The following EIF4G3 variants were observed in gnomAD, a reference collection of about 807,000 sequenced individuals.
EIF4G3 encodes the protein eIF-4-gamma 3.
EIF4G3 carries 34 observed loss-of-function variants against 186.4 expected under a neutral mutation model. That is an observed-to-expected ratio of 0.18 (90% CI 0.14 to 0.24). The LOEUF is 0.24. Among genes scored for constraint, EIF4G3 ranks in the 10% least tolerant of loss-of-function variants. The pLI is 1.00. For missense variants in EIF4G3, 1,536 were observed against 1,948.5 expected, an observed-to-expected ratio of 0.79 and a Z score of 3.99; for synonymous variants, 673 against 679.5, an observed-to-expected ratio of 0.99 and a Z score of 0.15.
intron 2 of EIF4G3, among the ~76,000 whole-genome samples, chr1:21,096,056 T>C (rs892597958): frequency 2.4e-4 from 36 of 152,204 alleles, no homozygotes; most frequent in African/African-American, 8.4e-4. Context: ...TCAATCCATA[T>C]GGCAAAGCAA....
intron 7 of EIF4G3, among the ~76,000 whole-genome samples, chr1:20,986,531 A>G (rs755524685): frequency 2.0e-5 from 3 of 152,026 alleles, no homozygotes; most frequent in African/African-American, 4.8e-5. Flanking sequence ...CTACAGGATC[A>G]TTAGAAAACC....
chr1:20,999,322 GT>G, intron 6 of EIF4G3: 1 of 363,728 alleles, frequency 2.7e-6, no homozygotes. Context: ...TGTATTTTCA[GT>G]TTTCCAATTA....
chr1:20,985,527 A>ATATAT (rs199570165), intron 7 of EIF4G3, among the ~76,000 whole-genome samples: 1 of 140,900 alleles, frequency 7.1e-6, no homozygotes, highest in Non-Finnish European at 1.6e-5. Context: ...AAAAAAAAAA[A>ATATAT]AAATATATAT....
intron 4 of EIF4G3, among the ~76,000 whole-genome samples, chr1:21,049,273 G>C (rs2094076799): frequency 6.6e-6 from 1 of 152,170 alleles, no homozygotes; most frequent in African/African-American, 2.4e-5. Flanking sequence ...CACAGCCTTT[G>C]GCTCAACCCT....
At chr1:21,133,416 A>T (rs1160498333) in intron 2 of EIF4G3, among the ~76,000 whole-genome samples, 1 of 151,870 alleles carries the variant, frequency 6.6e-6, no homozygotes. Context: ...TAGTAAAGAC[A>T]GGGTTTCACC....
intron 30 of EIF4G3, among the ~76,000 whole-genome samples, chr1:20,831,693 G>A (rs1484352733): frequency 6.6e-6 from 1 of 150,498 alleles, no homozygotes; most frequent in African/African-American, 2.5e-5. Flanking sequence ...GAGCCATGCT[G>A]GTGTGCTGCA....
intron 28 of EIF4G3, among the ~76,000 whole-genome samples, chr1:20,850,295 A>G (rs2072880073): frequency 6.6e-6 from 1 of 152,108 alleles, no homozygotes; most frequent in Non-Finnish European, 1.5e-5. Context: ...TATTCATTAC[A>G]CCCAAGATAT....
chr1:20,928,744 C>T (rs550923123), intron 14 of EIF4G3, among the ~76,000 whole-genome samples: 25 of 152,200 alleles, frequency 1.6e-4, no homozygotes, highest in African/African-American at 1.4e-4. Flanking sequence ...ATATAATTTA[C>T]GTATCATAAA....
intron 29 of EIF4G3, among the ~76,000 whole-genome samples, chr1:20,844,057 T>TG (rs1453698971): frequency 6.6e-6 from 1 of 152,228 alleles, no homozygotes; most frequent in Non-Finnish European, 1.5e-5. Context: ...ACTCTATCGT[T>TG]GATGGGCATT....
intron 34 of EIF4G3, among the ~76,000 whole-genome samples, chr1:20,816,440 C>A (rs372853596): frequency 8.4e-6 from 1 of 119,288 alleles, no homozygotes; most frequent in African/African-American, 3.2e-5. Flanking sequence ...GCCGCCCCTA[C>A]TGGGAAGTGA....
chr1:21,034,444 C>A (rs547573845), intron 4 of EIF4G3, among the ~76,000 whole-genome samples: 2 of 152,336 alleles, frequency 1.3e-5, no homozygotes, highest in African/African-American at 2.4e-5. Context: ...CAGTACTCTA[C>A]ACAAATTGAA....
intron 14 of EIF4G3, among the ~76,000 whole-genome samples, chr1:20,916,281 C>A (rs957363855): frequency 2.6e-5 from 4 of 151,874 alleles, no homozygotes; most frequent in African/African-American, 9.7e-5. Context: ...CCCATCTCTA[C>A]TAAAAATACA....
At chr1:21,015,434 G>GA (rs1165003620) in intron 4 of EIF4G3, among the ~76,000 whole-genome samples, 1 of 151,266 alleles carries the variant, frequency 6.6e-6, no homozygotes, top group Non-Finnish European at 1.5e-5. Flanking sequence ...CCCCACATAG[G>GA]AAAAAAAACC....
At chr1:20,925,422 TTGAA>T (rs1232939721) in intron 14 of EIF4G3, among the ~76,000 whole-genome samples, 1 of 152,196 alleles carries the variant, frequency 6.6e-6, no homozygotes, top group East Asian at 1.9e-4. Context: ...TAAATACCTG[TTGAA>T]TGAATGACAA....
In EIF4G3 at chr1:20,969,600, T is replaced by C; in HGVS notation, c.592-4A>G. 3 of 1,612,720 alleles carry C rather than the reference T, an allele frequency of 1.9e-6. No homozygotes were observed. Among genetic ancestry groups the C allele is most frequent in the South Asian group, 1.1e-5 (1 of 91,040 alleles). On this transcript the variant is annotated splice_region_variant and splice_polypyrimidine_tract_variant and intron_variant, in intron 11 of 36. Coordinates refer to ENST00000602326, the MANE Select transcript of EIF4G3 (RefSeq NM_001391906.1). ...GGTTTGGATCCCGAATTCTTATCTA[T>C]AAGGTTAAATAAAATGACATATGTA...
intron 2 of EIF4G3, among the ~76,000 whole-genome samples, chr1:21,093,799 T>C (rs1274542586): frequency 3.3e-5 from 5 of 152,090 alleles, no homozygotes; most frequent in South Asian, 4.2e-4. Context: ...TTCATGTCCT[T>C]TGTAGGGACA....
chr1:20,862,361 T>C, intron 22 of EIF4G3, 29 bp from the exon 23 acceptor site: 1 of 1,323,748 alleles, frequency 7.6e-7, no homozygotes, highest in Non-Finnish European at 1.1e-6. Context: ...TTAGTACTCC[T>C]GTCTGAGAAA....
intron 33 of EIF4G3, among the ~76,000 whole-genome samples, chr1:20,821,613 C>T (rs2062372403): frequency 6.6e-6 from 1 of 150,986 alleles, no homozygotes; most frequent in African/African-American, 2.4e-5. Context: ...GTATACATCA[C>T]CATCTTCCCT....
chr1:20,950,147 C>A, intron 12 of EIF4G3, 36 bp from the exon 13 acceptor site: 1 of 1,476,326 alleles, frequency 6.8e-7, no homozygotes, highest in Non-Finnish European at 9.1e-7. Flanking sequence ...TGATAATGAG[C>A]GTGCGAACAT....
Sources: gnomAD v4.1 joint callset for allele counts (sites outside exome capture counted in the v4.1 genomes callset) on GRCh38, gnomAD v4.1.1 for gene constraint, MANE v1.5 for transcripts, NCBI Gene and HGNC (gene_info 2026-07-23, HGNC 2026-07-21) for gene names.